Variants in KHDRBS2 observed in about 807,000 individuals in gnomAD.
KHDRBS2 encodes KH domain-containing, RNA-binding, signal transduction-associated protein 2.
KHDRBS2 carries 26 observed loss-of-function variants against 44.3 expected under a neutral mutation model. That is an observed-to-expected ratio of 0.59 (90% CI 0.43 to 0.81). The LOEUF (loss-of-function observed/expected upper bound fraction) is 0.81, where lower values mean the gene tolerates loss of function less well. Among genes scored for constraint, KHDRBS2 ranks in the 40% least tolerant of loss-of-function variants. KHDRBS2 has a pLI of 0.00. For missense variants in KHDRBS2, 476 were observed against 433.1 expected (o/e 1.10, Z -0.88); for synonymous variants, 194 against 151.1 (o/e 1.28, Z -2.08).
chr6:62,279,588 AG>A (rs1841512550), intron 1 of KHDRBS2, among the ~76,000 whole-genome samples: 1 of 152,204 alleles, frequency 6.6e-6, no homozygotes, highest in African/African-American at 2.4e-5. Context: ...GCAATGTAGT[AG>A]TGGTGGATAG....
chr6:61,848,082 G>T (rs1334218770), intron 6 of KHDRBS2, among the ~76,000 whole-genome samples: 1 of 151,830 alleles, frequency 6.6e-6, no homozygotes, highest in Non-Finnish European at 1.5e-5. Flanking sequence ...GACCATACTA[G>T]CTCCTGCAGT....
chr6:61,599,297 T>A, the KHDRBS2 span, among the ~76,000 whole-genome samples: 11 of 152,132 alleles, frequency 7.2e-5, no homozygotes, highest in African/African-American at 2.7e-4. Context: ...CTGTTTAAGA[T>A]GAGAGCTCTC....
chr6:61,930,362 T>A (rs1809775478), intron 4 of KHDRBS2, among the ~76,000 whole-genome samples: 1 of 151,744 alleles, frequency 6.6e-6, no homozygotes, highest in Non-Finnish European at 1.5e-5. Flanking sequence ...CGATTTCTAT[T>A]TGTAAAGACA....
At chr6:62,149,915 GCTAT>G (rs1814748349) in intron 2 of KHDRBS2, among the ~76,000 whole-genome samples, 2 of 152,152 alleles carry the variant, frequency 1.3e-5, no homozygotes, top group Non-Finnish European at 2.9e-5. Context: ...ATCGTAAGAA[GCTAT>G]CTAATTCAAC....
intron 5 of KHDRBS2, among the ~76,000 whole-genome samples, chr6:61,897,330 TG>T (rs1354862516): frequency 6.6e-5 from 10 of 152,122 alleles, no homozygotes; most frequent in Admixed American, 1.3e-4. Flanking sequence ...AAGCTTGTCA[TG>T]TGGGCAGTTC....
At chr6:62,181,239 T>G (rs539952187) in intron 1 of KHDRBS2, among the ~76,000 whole-genome samples, 3 of 151,766 alleles carry the variant, frequency 2.0e-5, no homozygotes, top group Non-Finnish European at 4.4e-5. Flanking sequence ...AAAGAAACAG[T>G]CAACAAAATG....
chr6:61,894,492 C>T (rs940474604), intron 6 of KHDRBS2, 143 bp downstream of exon 6: 11 of 635,820 alleles, frequency 1.7e-5, no homozygotes, highest in Non-Finnish European at 2.1e-5. Context: ...TTTAAATGCA[C>T]TGCTTAAATT....
the KHDRBS2 span, among the ~76,000 whole-genome samples, chr6:61,638,355 T>C: frequency 1.3e-5 from 2 of 151,982 alleles, no homozygotes; most frequent in African/African-American, 4.8e-5. Flanking sequence ...TAATGCCGCA[T>C]ATCTACAACT....
the KHDRBS2 span, among the ~76,000 whole-genome samples, chr6:61,608,153 G>A: frequency 6.6e-6 from 1 of 152,086 alleles, no homozygotes; most frequent in Non-Finnish European, 1.5e-5. Flanking sequence ...TACTTTTTAT[G>A]AAGGACAATG....
the KHDRBS2 span, among the ~76,000 whole-genome samples, chr6:61,617,481 C>T: frequency 1.1e-4 from 16 of 152,022 alleles, no homozygotes; most frequent in Non-Finnish European, 1.8e-4. Flanking sequence ...TGCAGCAGTG[C>T]TTTATAACAT....
At chr6:61,857,152 C>T (rs1796272343) in intron 6 of KHDRBS2, among the ~76,000 whole-genome samples, 1 of 151,916 alleles carries the variant, frequency 6.6e-6, no homozygotes, top group Non-Finnish European at 1.5e-5. Context: ...AGGTCCTTTT[C>T]TTTTCTTTTT....
At chr6:61,556,629 G>T in the KHDRBS2 span, among the ~76,000 whole-genome samples, 1 of 152,004 alleles carries the variant, frequency 6.6e-6, no homozygotes, top group African/African-American at 2.4e-5. Context: ...TCAGCTTACA[G>T]CATGGTGTTT....
chr6:62,082,273 T>C (rs1797542357), intron 2 of KHDRBS2, among the ~76,000 whole-genome samples: 1 of 150,990 alleles, frequency 6.6e-6, no homozygotes, highest in African/African-American at 2.4e-5. Context: ...AGGGCCAAAA[T>C]GAAATTCTTA....
intron 3 of KHDRBS2, among the ~76,000 whole-genome samples, chr6:62,032,529 C>CAT (rs1415424299): frequency 6.7e-5 from 10 of 148,860 alleles, no homozygotes; most frequent in Non-Finnish European, 1.2e-4. Flanking sequence ...CATATATATT[C>CAT]ATATATATAC....
At chr6:62,049,375 T>C (rs1243185590) in intron 2 of KHDRBS2, among the ~76,000 whole-genome samples, 1 of 151,824 alleles carries the variant, frequency 6.6e-6, no homozygotes, top group Non-Finnish European at 1.5e-5. Context: ...TATTTTGAGA[T>C]CGATCATAGA....
intron 6 of KHDRBS2, among the ~76,000 whole-genome samples, chr6:61,756,199 A>G (rs543745633): frequency 6.6e-6 from 1 of 152,150 alleles, no homozygotes; most frequent in Non-Finnish European, 1.5e-5. Context: ...CTAATTTTTT[A>G]TTCATGCATA....
intron 1 of KHDRBS2, among the ~76,000 whole-genome samples, chr6:62,212,886 G>T (rs1392702413): frequency 6.6e-6 from 1 of 151,496 alleles, no homozygotes; most frequent in Non-Finnish European, 1.5e-5. Context: ...AAGACTGGAT[G>T]GGGGAGAGAG....
intron 1 of KHDRBS2, 148 bp downstream of exon 1, chr6:62,285,710 C>G (rs898903591): frequency 4.4e-5 from 26 of 596,812 alleles, no homozygotes; most frequent in Non-Finnish European, 6.8e-5. Context: ...CGGGGTCTGT[C>G]CGCCCGAGCT....
chr6:61,980,560 A>C (rs1027819015), intron 3 of KHDRBS2, among the ~76,000 whole-genome samples: 6 of 152,198 alleles, frequency 3.9e-5, no homozygotes, highest in African/African-American at 1.4e-4. Flanking sequence ...AATTTGTTTT[A>C]ATAGACTTGT....
Sources: allele counts gnomAD v4.1 joint callset (sites outside exome capture counted in the v4.1 genomes callset), GRCh38; gene constraint gnomAD v4.1.1; transcripts MANE v1.5; gene names NCBI Gene and HGNC (gene_info 2026-07-23, HGNC 2026-07-21).